CYP26B1: variants seen among roughly 807,000 people sequenced by gnomAD.
CYP26B1 encodes cytochrome P450 26B1.
CYP26B1 carries 8 observed loss-of-function variants against 39.1 expected under a neutral mutation model. The ratio of observed to expected loss-of-function variants is 0.20; its 90% CI spans 0.12 to 0.37. CYP26B1 has a LOEUF of 0.37. Among genes scored for constraint, CYP26B1 ranks in the 10% least tolerant of loss-of-function variants. The pLI is 1.00. For missense variants in CYP26B1, 615 were observed against 707.0 expected (o/e 0.87, Z 1.48); for synonymous variants, 321 against 314.3 (o/e 1.02, Z -0.23).
At chr2:72,144,547 C>T in intron 1 of CYP26B1, 4 of 1,098,202 alleles carry the variant, frequency 3.6e-6, no homozygotes, top group Non-Finnish European at 4.5e-6. Context: ...CACACCCCCA[C>T]CCCGCGCTCG....
chr2:72,143,959 T>A, intron 2 of CYP26B1, 30 bp downstream of exon 2: 1 of 1,612,034 alleles, frequency 6.2e-7, no homozygotes, highest in Non-Finnish European at 8.5e-7. Context: ...GGGGAGGGAT[T>A]GCGCGGAAGA....
rs1375486179 is a variant in CYP26B1, at chr2:72,131,418, A to G, written c.*809T>C. 1 of 152,144 alleles carries G rather than the reference A, an allele frequency of 6.6e-6. No individual in the cohort carries two copies. The highest frequency in any genetic ancestry group is 6.5e-5 in the Admixed American group (1 of 15,274). The allele number at this position is 152,144 out of a possible 1,614,324, so 9.4% of individuals were successfully genotyped here. On this transcript the variant is annotated 3_prime_UTR_variant, in exon 6 of 6. Transcript: ENST00000001146. Reference sequence around the variant, plus strand: ...AGGGCATGAAGGGGAGGAGATGTTCACTCCAGACCCCAGCATCCCCAAGAT... The same window carrying G: ...AGGGCATGAAGGGGAGGAGATGTTCGCTCCAGACCCCAGCATCCCCAAGAT...
chr2:72,135,564 TG>T, intron 2 of CYP26B1, 145 bp from the exon 3 acceptor site: 2 of 1,210,980 alleles, frequency 1.7e-6, no homozygotes, highest in Non-Finnish European at 2.4e-6. Flanking sequence ...GCAGGCCAGC[TG>T]CCAGCAAGTC....
In CYP26B1 at chr2:72,143,979, G is replaced by C. The variant is rs1184979111; in HGVS notation, c.429+10C>G. The C allele has an allele frequency of 8.7e-6, 14 of 1,613,140 alleles. No individual in the cohort carries two copies. ...GGGATTGCGCGGAAGAAAACGGGCA[G>C]AGTTCTTACCTTGCGCTTGTTGCGG... On this transcript the variant is annotated intron_variant, in intron 2 of 5. Coordinates refer to ENST00000001146, the MANE Select transcript of CYP26B1 (RefSeq NM_019885.4).
intron 2 of CYP26B1, among the ~76,000 whole-genome samples, chr2:72,141,273 C>A (rs568745376): frequency 2.0e-5 from 3 of 152,324 alleles, no homozygotes; most frequent in African/African-American, 7.2e-5. Flanking sequence ...GCTGCAAGGA[C>A]ACAGGCCTGG....
At chr2:72,141,611 G>A (rs1257204830) in intron 2 of CYP26B1, among the ~76,000 whole-genome samples, 5 of 152,214 alleles carry the variant, frequency 3.3e-5, no homozygotes, top group East Asian at 3.9e-4. Flanking sequence ...AGCATGGACC[G>A]GATAAAGAGG....
chr2:72,142,088 C>A (rs1319618411), intron 2 of CYP26B1, among the ~76,000 whole-genome samples: 1 of 137,542 alleles, frequency 7.3e-6, no homozygotes, highest in Admixed American at 7.3e-5. Flanking sequence ...ACCCCAGCAT[C>A]CCCCCTTCCC....
intron 1 of CYP26B1, among the ~76,000 whole-genome samples, chr2:72,145,050 A>T (rs1677081268): frequency 6.6e-6 from 1 of 151,974 alleles, no homozygotes; most frequent in African/African-American, 2.4e-5. Context: ...CTCACCTTTG[A>T]CGTCGGCACT....
Position 72,132,390 on chromosome 2 carries a change from G to C in CYP26B1, c.1376C>G (p.Ala459Gly). The change falls in exon 6 of 6, where the codon GCT becomes GGT. Residue 459 changes from alanine (A) to glycine (G), a missense_variant. By Grantham distance (60) the Ala-to-Gly change is moderately conservative. Coordinates refer to ENST00000001146, the MANE Select transcript of CYP26B1 (RefSeq NM_019885.4). ...GGCCAGCTCAAAGCGGCTGGTGCTAGCCAGCTCCACCGCCAGCACCTTCAG... is the reference window on the plus strand; with the variant it reads ...GGCCAGCTCAAAGCGGCTGGTGCTACCCAGCTCCACCGCCAGCACCTTCAG... ...LFLKVLAVEL[A>G]STSRFELATR... is the part of the protein sequence containing the mutation. The C allele has an allele frequency of 4.3e-6, 7 of 1,611,600 alleles. No homozygotes were observed. Among genetic ancestry groups the C allele is most frequent in the Non-Finnish European group, 5.9e-6 (7 of 1,178,596 alleles).
At position 72,131,746 on chromosome 2, in the gene CYP26B1, T is replaced by C. The variant is rs555102568; in HGVS notation, c.*481A>G. On this transcript the variant is annotated 3_prime_UTR_variant, in exon 6 of 6. Coordinates refer to ENST00000001146, the MANE Select transcript of CYP26B1 (RefSeq NM_019885.4). The stretch of plus-strand genomic sequence containing the variant: ...GGACGCAGCCCCCGCCCCGCCAAGG[T>C]TGACTCCTGTTCTGCTACCCAGGAT... 3 of 159,632 alleles carry C rather than the reference T, an allele frequency of 1.9e-5. No individual in the cohort carries two copies. The highest frequency in any genetic ancestry group is 7.2e-5 in the African/African-American group (3 of 41,540). 9.9% of individuals were successfully genotyped at this position (159,632 alleles called of 1,614,324 possible).
chr2:72,140,318 A>G (rs1247797164), intron 2 of CYP26B1, among the ~76,000 whole-genome samples: 1 of 152,096 alleles, frequency 6.6e-6, no homozygotes, highest in Non-Finnish European at 1.5e-5. Flanking sequence ...TCCCTCCCCC[A>G]CTGACCTTCA....
At chr2:72,142,254 GGAA>G (rs1676964500) in intron 2 of CYP26B1, among the ~76,000 whole-genome samples, 1 of 152,166 alleles carries the variant, frequency 6.6e-6, no homozygotes, top group South Asian at 2.1e-4. Context: ...CAGGGTGGGT[GGAA>G]CCCCAAGACA....
chr2:72,145,655 T>G (rs1183737434), intron 1 of CYP26B1, among the ~76,000 whole-genome samples: 1 of 152,176 alleles, frequency 6.6e-6, no homozygotes, highest in East Asian at 1.9e-4. Flanking sequence ...TTCTTTTCTT[T>G]CAACACAAAA....
rs745664987 is a variant in CYP26B1, at chr2:72,147,587, CA to C, written c.204+43del. On this transcript the variant is annotated intron_variant, in intron 1 of 5. Transcript: ENST00000001146. The surrounding 1 kb of genome is among the most constrained non-coding windows in gnomAD (Gnocchi z 6.1). ...CGCCGCTCCGTCTGCCCCGCGCTCG[CA>C]GCTAGCGGACCCCGGAGTGCAGCGG... The C allele has an allele frequency of 4.0e-5, 63 of 1,566,020 alleles. No homozygotes were observed. The highest frequency in any genetic ancestry group is 5.2e-5 in the Non-Finnish European group (60 of 1,159,438).
Position 72,147,068 on chromosome 2 carries a change from C to A in CYP26B1, c.204+563G>T, listed in dbSNP as rs751294922. On this transcript the variant is annotated intron_variant, in intron 1 of 5. Transcript: ENST00000001146. The surrounding 1 kb of genome is among the most constrained non-coding windows in gnomAD (Gnocchi z 6.1). ...CTTGGGTTACCTTCTTCCTCTTCCA[C>A]CACAAAACAGACACACTCGCGCGGA... Among the ~76,000 whole-genome samples, 2 of 152,220 alleles carry A rather than the reference C, an allele frequency of 1.3e-5. No homozygotes were observed. The highest frequency in any genetic ancestry group is 2.9e-5 in the Non-Finnish European group (2 of 68,028).
chr2:72,132,223 T>G lies in CYP26B1; in HGVS notation c.*4A>C. The G allele has an allele frequency of 6.3e-7, 1 of 1,596,844 alleles. No homozygotes were observed. Among genetic ancestry groups the G allele is most frequent in the African/African-American group, 1.3e-5 (1 of 74,894 alleles). On this transcript the variant is annotated 3_prime_UTR_variant, in exon 6 of 6. Coordinates refer to ENST00000001146, the MANE Select transcript of CYP26B1 (RefSeq NM_019885.4). ...GGGCTGGGCTGAGGCGGGTGGGTCT[T>G]GGGTTAGACTGTGGCGCTCAGCATG...
At chr2:72,140,445 C>A (rs1444673426) in intron 2 of CYP26B1, among the ~76,000 whole-genome samples, 3 of 152,260 alleles carry the variant, frequency 2.0e-5, no homozygotes, top group Admixed American at 6.5e-5. Context: ...TGTGCCTATG[C>A]CAAGGGGCTG....
At chr2:72,143,514 C>T (rs1677016444) in intron 2 of CYP26B1, among the ~76,000 whole-genome samples, 1 of 152,078 alleles carries the variant, frequency 6.6e-6, no homozygotes, top group East Asian at 1.9e-4. Flanking sequence ...CCGCAGCCCA[C>T]AAGCTGTCCC....
chr2:72,136,010 G>A (rs960009239), intron 2 of CYP26B1, among the ~76,000 whole-genome samples: 1 of 152,168 alleles, frequency 6.6e-6, no homozygotes, highest in African/African-American at 2.4e-5. Context: ...ATCTTCCAGG[G>A]CCACTGTACG....
Sources: allele counts gnomAD v4.1 joint callset (sites outside exome capture counted in the v4.1 genomes callset), GRCh38; gene constraint gnomAD v4.1.1; non-coding constraint Gnocchi (gnomAD v3.1); transcripts MANE v1.5; gene names NCBI Gene and HGNC (gene_info 2026-07-23, HGNC 2026-07-21).